PTAFR: variants seen among roughly 807,000 people sequenced by gnomAD.
The protein encoded by PTAFR is platelet activating factor receptor.
Under a neutral mutation model 14.7 loss-of-function variants are expected in PTAFR, and 8 were observed. The observed-to-expected ratio is 0.54, with a 90% CI of 0.32 to 0.98. PTAFR has a LOEUF of 0.98. Ranked by LOEUF, PTAFR falls within the 50% of genes least tolerant of loss-of-function variation. The probability of loss-of-function intolerance (pLI) is 0.04; values close to 1 mark genes in which losing one functional copy is unlikely to be tolerated. For synonymous variants in PTAFR, 156 were observed against 176.5 expected (o/e 0.88, Z 0.92); for missense variants, 337 against 451.2 (o/e 0.75, Z 2.29).
chr1:28,189,243 AGACATTTGTAT>A (rs1397091399), intron 1 of PTAFR, among the ~76,000 whole-genome samples: 1 of 148,924 alleles, frequency 6.7e-6, no homozygotes, highest in East Asian at 1.9e-4. Flanking sequence ...ATAAGGAAAC[AGACATTTGTAT>A]GATTCTTCAG....
At chr1:28,169,830 T>A (rs1646432617) in intron 1 of PTAFR, among the ~76,000 whole-genome samples, 1 of 152,062 alleles carries the variant, frequency 6.6e-6, no homozygotes, top group African/African-American at 2.4e-5. Flanking sequence ...TGAAACCCTA[T>A]CTCTACTAAA....
chr1:28,179,130 TCA>T (rs1161835038), upstream of PTAFR, among the ~76,000 whole-genome samples: 1 of 152,168 alleles, frequency 6.6e-6, no homozygotes, highest in Non-Finnish European at 1.5e-5. Context: ...TGCAAACTGC[TCA>T]CCTAAAAGGC....
intron 1 of PTAFR, among the ~76,000 whole-genome samples, chr1:28,182,893 C>A (rs185151814): frequency 6.6e-6 from 1 of 152,272 alleles, no homozygotes; most frequent in East Asian, 1.9e-4. Flanking sequence ...GTTGGCCAGG[C>A]TAGTCTCGAA....
intron 1 of PTAFR, among the ~76,000 whole-genome samples, chr1:28,183,061 A>G (rs989088902): frequency 6.6e-6 from 1 of 151,148 alleles, no homozygotes; most frequent in Non-Finnish European, 1.5e-5. Flanking sequence ...TGTTTTTTAA[A>G]GCAATACTTG....
intron 1 of PTAFR, among the ~76,000 whole-genome samples, chr1:28,189,671 G>A (rs1438338574): frequency 6.6e-6 from 1 of 151,472 alleles, no homozygotes. Context: ...ATGTTGCAGA[G>A]GATAAATTAT....
intron 1 of PTAFR, among the ~76,000 whole-genome samples, chr1:28,152,957 A>G (rs1646211447): frequency 6.6e-6 from 1 of 152,124 alleles, no homozygotes; most frequent in Non-Finnish European, 1.5e-5. Flanking sequence ...GTTTGTTTGA[A>G]TCTTTAAAGG....
intron 1 of PTAFR, among the ~76,000 whole-genome samples, chr1:28,157,072 G>C (rs935060081): frequency 6.6e-6 from 1 of 152,204 alleles, no homozygotes; most frequent in Non-Finnish European, 1.5e-5. Flanking sequence ...TGAAACATGT[G>C]AGGCATTCAC....
At chr1:28,175,234 T>C (rs1646500059) in intron 1 of PTAFR, among the ~76,000 whole-genome samples, 1 of 152,088 alleles carries the variant, frequency 6.6e-6, no homozygotes, top group South Asian at 2.1e-4. Context: ...TATTTTAACC[T>C]GCAATCTGCA....
chr1:28,156,362 C>G (rs1421815740), intron 1 of PTAFR, among the ~76,000 whole-genome samples: 1 of 152,046 alleles, frequency 6.6e-6, no homozygotes, highest in Non-Finnish European at 1.5e-5. Context: ...TTTCTTCAAC[C>G]AAAACAACAT....
chr1:28,161,399 G>A (rs1263042274), intron 1 of PTAFR, among the ~76,000 whole-genome samples: 1 of 152,160 alleles, frequency 6.6e-6, no homozygotes, highest in African/African-American at 2.4e-5. Flanking sequence ...CTAGTTGGGG[G>A]AAACAGTCAA....
chr1:28,175,553 C>T (rs1646503642), intron 1 of PTAFR, among the ~76,000 whole-genome samples: 1 of 151,878 alleles, frequency 6.6e-6, no homozygotes, highest in African/African-American at 2.4e-5. Flanking sequence ...CCTGCTGGTT[C>T]TGTCATATTT....
chr1:28,159,835 A>G (rs1646303609), intron 1 of PTAFR, among the ~76,000 whole-genome samples: 2 of 151,924 alleles, frequency 1.3e-5, no homozygotes, highest in Admixed American at 1.3e-4. Flanking sequence ...TCAAAAAAAA[A>G]AAAAGAAGTT....
At chr1:28,185,049 A>G (rs1202561753) in intron 1 of PTAFR, among the ~76,000 whole-genome samples, 1 of 151,838 alleles carries the variant, frequency 6.6e-6, no homozygotes, top group African/African-American at 2.4e-5. Context: ...GCCTTTCCTG[A>G]CCACCCTAAT....
chr1:28,156,572 T>C (rs1252149753), intron 1 of PTAFR, among the ~76,000 whole-genome samples: 3 of 152,232 alleles, frequency 2.0e-5, no homozygotes, highest in Admixed American at 6.5e-5. Context: ...GTGTTTTTGT[T>C]TAAAAATGAA....
At position 28,149,955 on chromosome 1, in the gene PTAFR, G is replaced by A. The variant is rs1646159447; in HGVS notation, c.*38C>T. On this transcript the variant is annotated 3_prime_UTR_variant, in exon 2 of 2. Coordinates refer to ENST00000373857, the MANE Select transcript of PTAFR (RefSeq NM_000952.5). ...TTCTTCCCCCAGCTCAGTCCATGAT[G>A]TTCATGGAGGAGAAGACTTCAGGCC... is the stretch of plus-strand genomic sequence containing the variant. The A allele has an allele frequency of 6.3e-7, 1 of 1,578,426 alleles. No individual in the cohort carries two copies. The highest frequency in any genetic ancestry group is 8.6e-7 in the Non-Finnish European group (1 of 1,160,018).
intron 1 of PTAFR, 27 bp from the exon 2 acceptor site, chr1:28,151,086 T>G: frequency 2.8e-5 from 37 of 1,330,138 alleles, no homozygotes; most frequent in Non-Finnish European, 3.6e-5. Context: ...AAATTCTGGT[T>G]AATAAAGGGA....
chr1:28,180,134 C>T (rs1557697190), upstream of PTAFR, among the ~76,000 whole-genome samples: 1 of 152,104 alleles, frequency 6.6e-6, no homozygotes, highest in Non-Finnish European at 1.5e-5. Flanking sequence ...AACAGGGAGA[C>T]CCTGTCTCTA....
intron 1 of PTAFR, among the ~76,000 whole-genome samples, chr1:28,189,082 T>C (rs911666638): frequency 1.5e-4 from 23 of 151,888 alleles, no homozygotes; most frequent in Non-Finnish European, 7.4e-5. Flanking sequence ...CAACTGCCAC[T>C]ACTATTTTGG....
At chr1:28,191,837 G>A (rs748776506) in intron 1 of PTAFR, among the ~76,000 whole-genome samples, 2 of 151,778 alleles carry the variant, frequency 1.3e-5, no homozygotes, top group African/African-American at 4.8e-5. Flanking sequence ...AAGCCAAGGC[G>A]AGAGGATCGC....
Sources: gnomAD v4.1 joint callset for allele counts (sites outside exome capture counted in the v4.1 genomes callset) on GRCh38, gnomAD v4.1.1 for gene constraint, MANE v1.5 for transcripts, NCBI Gene and HGNC (gene_info 2026-07-23, HGNC 2026-07-21) for gene names.